Variants in ANXA3 observed in about 807,000 individuals in gnomAD.
ANXA3 encodes the protein 35-alpha calcimedin.
In ANXA3, 46 loss-of-function variants were observed where a neutral mutation model predicts 48.8. The observed-to-expected ratio is 0.94, with a 90% CI of 0.74 to 1.21. The LOEUF (loss-of-function observed/expected upper bound fraction) is 1.21, where lower values mean the gene tolerates loss of function less well. ANXA3 is among the 50% of genes most tolerant of loss of function. The pLI is 0.00. For missense variants in ANXA3, 383 were observed against 378.6 expected (o/e 1.01, Z -0.10); for synonymous variants, 128 against 134.7 (o/e 0.95, Z 0.35).
chr4:78,564,612 A>G (rs138296081), intron 2 of ANXA3, among the ~76,000 whole-genome samples: 9 of 152,318 alleles, frequency 5.9e-5, no homozygotes, highest in Non-Finnish European at 1.2e-4. Flanking sequence ...AAACAGCGAG[A>G]GGTATTACTC....
At chr4:78,574,069 C>T (rs1353758552) in intron 3 of ANXA3, among the ~76,000 whole-genome samples, 2 of 152,100 alleles carry the variant, frequency 1.3e-5, no homozygotes, top group African/African-American at 4.8e-5. Context: ...CCTATCTAAC[C>T]ACCACCACCA....
chr4:78,554,608 A>G, intron 2 of ANXA3, 120 bp downstream of exon 2: 2 of 820,480 alleles, frequency 2.4e-6, no homozygotes, highest in Non-Finnish European at 4.1e-6. Flanking sequence ...CAAAATTAAC[A>G]TGCTAGAAAA....
chr4:78,577,302 T>A (rs1254747951), intron 3 of ANXA3, among the ~76,000 whole-genome samples: 1 of 152,098 alleles, frequency 6.6e-6, no homozygotes, highest in Non-Finnish European at 1.5e-5. Context: ...AAGAAAGGAA[T>A]CTGAGATGAT....
chr4:78,578,372 A>AGGGAGGGAGGGAGGAG (rs1723006077), intron 3 of ANXA3, among the ~76,000 whole-genome samples: 1 of 121,080 alleles, frequency 8.3e-6, no homozygotes, highest in Non-Finnish European at 1.7e-5. Flanking sequence ...AGAGGGAGGA[A>AGGGAGGGAGGGAGGAG]AGAAGGAAGG....
chr4:78,575,886 T>G (rs1241818342), intron 3 of ANXA3, among the ~76,000 whole-genome samples: 1 of 152,230 alleles, frequency 6.6e-6, no homozygotes, highest in African/African-American at 2.4e-5. Flanking sequence ...TACATGGAAT[T>G]AGTGTTCATG....
chr4:78,560,309 GC>G lies in ANXA3; in HGVS notation c.15+5822del, dbSNP rs1722601949. ...TCAGTTCAAGTGTCGGGAATCACCT[GC>G]ACTTCTGGCCAACTGGCTATAAATT... On this transcript the variant is annotated intron_variant, in intron 2 of 12. Transcript: ENST00000264908. 2.0e-5 allele frequency among the ~76,000 whole-genome samples: 3 copies of G among 152,154 alleles called. 1 individual carries two copies. The highest frequency in any genetic ancestry group is 7.2e-5 in the African/African-American group (3 of 41,426).
At chr4:78,593,247 G>A (rs144174090) in intron 7 of ANXA3, among the ~76,000 whole-genome samples, 183 of 150,496 alleles carry the variant, frequency 1.2e-3, no homozygotes, top group African/African-American at 4.3e-3. Context: ...CTGTCATCCA[G>A]ACTGGAGTGC....
chr4:78,578,164 C>T (rs1235455278), intron 3 of ANXA3, among the ~76,000 whole-genome samples: 1 of 151,598 alleles, frequency 6.6e-6, no homozygotes. Context: ...GCCTGTAATC[C>T]CAGCTACTTG....
intron 2 of ANXA3, among the ~76,000 whole-genome samples, chr4:78,566,397 T>C (rs551021466): frequency 4.1e-4 from 62 of 150,966 alleles, no homozygotes; most frequent in Non-Finnish European, 8.0e-4. Flanking sequence ...GGAATAAAAC[T>C]AAGGTTTATC....
chr4:78,606,675 T>TTGAATGAA (rs10640523), intron 12 of ANXA3, among the ~76,000 whole-genome samples: 11 of 151,968 alleles, frequency 7.2e-5, no homozygotes, highest in Non-Finnish European at 1.5e-4. Context: ...CAAATGGCCT[T>TTGAATGAA]TGAATGAATG....
intron 7 of ANXA3, among the ~76,000 whole-genome samples, chr4:78,594,110 G>T (rs1314391484): frequency 2.0e-5 from 3 of 151,874 alleles, no homozygotes; most frequent in Non-Finnish European, 4.4e-5. Flanking sequence ...CTATAGTTTT[G>T]CCATCTCTAG....
chr4:78,579,632 A>T (rs1302521813), intron 4 of ANXA3, among the ~76,000 whole-genome samples: 1 of 152,234 alleles, frequency 6.6e-6, no homozygotes, highest in Non-Finnish European at 1.5e-5. Flanking sequence ...GGTTTAATTC[A>T]TTCAGCAAAG....
At chr4:78,590,844 C>G (rs569308912) in intron 6 of ANXA3, among the ~76,000 whole-genome samples, 1 of 149,784 alleles carries the variant, frequency 6.7e-6, no homozygotes, top group East Asian at 1.9e-4. Context: ...AAGTTTATTT[C>G]TATCATATGT....
intron 2 of ANXA3, among the ~76,000 whole-genome samples, chr4:78,559,092 A>AT (rs58124043): frequency 1.9e-4 from 29 of 150,594 alleles, no homozygotes; most frequent in Middle Eastern, 3.4e-3. Context: ...TTATTTCTTT[A>AT]TTTTTTTTTG....
At chr4:78,575,717 T>C (rs1320813605) in intron 3 of ANXA3, among the ~76,000 whole-genome samples, 1 of 152,248 alleles carries the variant, frequency 6.6e-6, no homozygotes. Flanking sequence ...TTTTATTGCA[T>C]AGAAGTTTTA....
chr4:78,595,480 T>G, intron 8 of ANXA3, 43 bp downstream of exon 8: 25 of 1,591,186 alleles, frequency 1.6e-5, no homozygotes, highest in Non-Finnish European at 2.0e-5. Flanking sequence ...CCTATTCTCC[T>G]ATGTGGCTGC....
chr4:78,591,885 A>G (rs1723305747), intron 7 of ANXA3, among the ~76,000 whole-genome samples: 1 of 152,212 alleles, frequency 6.6e-6, no homozygotes, highest in African/African-American at 2.4e-5. Context: ...CACAATTTTG[A>G]CATTAGAAGA....
At chr4:78,604,213 T>C (rs1578405536) in intron 11 of ANXA3, 64 bp from the exon 12 acceptor site, 3 of 1,453,580 alleles carry the variant, frequency 2.1e-6, no homozygotes, top group East Asian at 4.7e-5. Flanking sequence ...CTTATAAATA[T>C]AGATCTCTAT....
At chr4:78,561,837 T>A (rs1353304897) in intron 2 of ANXA3, among the ~76,000 whole-genome samples, 1 of 152,170 alleles carries the variant, frequency 6.6e-6, no homozygotes, top group South Asian at 2.1e-4. Flanking sequence ...GATACACAAA[T>A]GGTCTTTTGC....
Sources: gnomAD v4.1 joint callset for allele counts (sites outside exome capture counted in the v4.1 genomes callset) on GRCh38, gnomAD v4.1.1 for gene constraint, MANE v1.5 for transcripts, NCBI Gene and HGNC (gene_info 2026-07-23, HGNC 2026-07-21) for gene names.